SREBF1: variants seen among roughly 807,000 people sequenced by gnomAD.
SREBF1 encodes sterol regulatory element-binding protein 1.
A neutral mutation model predicts 100.1 loss-of-function variants in SREBF1; 45 were observed. The observed-to-expected ratio is 0.45, with a 90% CI of 0.35 to 0.58. The LOEUF (loss-of-function observed/expected upper bound fraction) is 0.58, where lower values mean the gene tolerates loss of function less well. SREBF1 is among the 20% of genes least tolerant of loss of function. SREBF1 has a pLI of 0.00. For missense variants in SREBF1, 1,324 were observed against 1,539.4 expected (o/e 0.86, Z 2.34); for synonymous variants, 657 against 681.8 (o/e 0.96, Z 0.57).
Position 17,829,206 on chromosome 17 carries a change from ATATATATATAT to A in SREBF1, c.91+7510_91+7520del, listed in dbSNP as rs149396423. ...GACTCCATCTTAAAAAAAAAAAAAA[ATATATATATAT>A]ATATATATATATATATATGTATACA... On this transcript the variant is annotated intron_variant, in intron 1 of 18. Transcript: ENST00000261646. Among the ~76,000 whole-genome samples, 9 of 92,862 alleles carry A rather than the reference ATATATATATAT, an allele frequency of 9.7e-5. 1 individual carries two copies. Among genetic ancestry groups the A allele is most frequent in the African/African-American group, 3.0e-4 (4 of 13,418 alleles). 60.9% of individuals were successfully genotyped at this position (92,862 alleles called of 152,430 possible).
intron 16 of SREBF1, 156 bp from the exon 17 acceptor site, chr17:17,813,925 C>T (rs907184223): frequency 4.8e-6 from 4 of 827,272 alleles, no homozygotes; most frequent in East Asian, 2.7e-5. Flanking sequence ...ACCGCGGGGC[C>T]GCCCGCCTCT....
Position 17,812,682 on chromosome 17 carries a change from CAGCAGCCGG to C in SREBF1, c.3375_3383del (p.Arg1126_Leu1128del), listed in dbSNP as rs1598106953. 6.2e-7 allele frequency: 1 copy of C among 1,607,274 alleles called. No homozygotes were observed. Among genetic ancestry groups the C allele is most frequent in the Non-Finnish European group, 8.5e-7 (1 of 1,177,446 alleles). ...GCATGAGCATCTGCTGACAGTCGTG[CAGCAGCCGG>C]CGATCGCCAAGCTTCTCGAGTGTGC... On this transcript the variant is annotated inframe_deletion, in exon 19 of 19. Transcript: ENST00000261646.
chr17:17,813,835 C>G, intron 16 of SREBF1, 66 bp from the exon 17 acceptor site: 1 of 1,482,268 alleles, frequency 6.7e-7, no homozygotes, highest in Middle Eastern at 2.1e-4. Context: ...GATGGGGGCC[C>G]GTGGTGCCAG....
In SREBF1 at chr17:17,811,930, T is replaced by TAAC. The variant is rs1555568536; in HGVS notation, c.*689_*691dup. On this transcript the variant is annotated 3_prime_UTR_variant, in exon 19 of 19. Coordinates refer to ENST00000261646, the MANE Select transcript of SREBF1 (RefSeq NM_004176.5). The stretch of plus-strand genomic sequence containing the variant: ...AGCCAGCCCTCCCCACTCCTCCCAC[T>TAAC]AACAAACAAACATCGGGAAGAGCTA... 3 of 446,992 alleles carry TAAC rather than the reference T, an allele frequency of 6.7e-6. No individual in the cohort carries two copies. The highest frequency in any genetic ancestry group is 6.1e-5 in the African/African-American group (3 of 49,188). 27.7% of individuals were successfully genotyped at this position (446,992 alleles called of 1,614,324 possible).
In SREBF1 at chr17:17,815,350, G is replaced by A. The variant is rs753588115; in HGVS notation, c.2384-21C>T. The A allele has an allele frequency of 3.8e-6, 6 of 1,599,402 alleles. No homozygotes were observed. The African/African-American group carries it at 6.7e-5, about 18-fold the overall frequency. On this transcript the variant is annotated intron_variant, in intron 12 of 18. Transcript: ENST00000261646. ...GTCCACTGTGGAGAGGAGGAGGTGA[G>A]TGGGGTGGGGAGCAGGGCCCCACCC...
At chr17:17,827,957 C>A (rs993005227) in intron 1 of SREBF1, among the ~76,000 whole-genome samples, 6 of 152,192 alleles carry the variant, frequency 3.9e-5, no homozygotes, top group African/African-American at 1.4e-4. Context: ...GCTTCCTAAC[C>A]ACCACCCCCC....
intron 1 of SREBF1, among the ~76,000 whole-genome samples, chr17:17,826,949 G>A (rs1204584729): frequency 6.6e-6 from 1 of 152,226 alleles, no homozygotes; most frequent in African/African-American, 2.4e-5. Flanking sequence ...CTTGTCCACA[G>A]AACCCAGATC....
In SREBF1 at chr17:17,817,964, C is replaced by A; in HGVS notation, c.1184-48G>T. Reference sequence around the variant, plus strand: ...CCAGGAGTAAAGGCTGGATATGTGACCCCAAATCAGAGCCTAGGCCCTTGG... The same window carrying A: ...CCAGGAGTAAAGGCTGGATATGTGAACCCAAATCAGAGCCTAGGCCCTTGG... On this transcript the variant is annotated intron_variant, in intron 6 of 18. Coordinates refer to ENST00000261646, the MANE Select transcript of SREBF1 (RefSeq NM_004176.5). The surrounding 1 kb of genome is among the most constrained non-coding windows in gnomAD (Gnocchi z 6.6). The A allele has an allele frequency of 6.3e-7, 1 of 1,575,518 alleles. No individual in the cohort carries two copies. Among genetic ancestry groups the A allele is most frequent in the Non-Finnish European group, 8.6e-7 (1 of 1,158,240 alleles).
rs749143932 is a variant in SREBF1, at chr17:17,819,654, C to T, written c.595G>A (p.Val199Ile). The T allele has an allele frequency of 2.2e-5, 35 of 1,612,236 alleles. No individual in the cohort carries two copies. The highest frequency in any genetic ancestry group is 1.7e-4 in the Middle Eastern group (1 of 5,998). The change falls in exon 3 of 19, where the codon GTC becomes ATC. Residue 199 changes from valine to isoleucine, a missense_variant. Transcript: ENST00000261646. ...CTCTGGACCTGGGTGTGCAAGGAGA[C>T]GGGCGGGACCCCTGGCGGGGAAGCC... ...PLASPPGVPPVSLHTQVQSVV... is the reference protein window; with the variant it reads ...PLASPPGVPPISLHTQVQSVV...
At chr17:17,822,003 A>C (rs918711999) in intron 1 of SREBF1, among the ~76,000 whole-genome samples, 6 of 152,216 alleles carry the variant, frequency 3.9e-5, no homozygotes, top group Admixed American at 1.3e-4. Flanking sequence ...TTACTGGCCT[A>C]AGTTCTTATA....
Position 17,820,228 on chromosome 17 carries a change from G to A in SREBF1, c.385C>T (p.Leu129=). ...GPGIKEESVP[L]SILQTPTPQP... ...GGGGTGGGGGTCTGCAGGATGCTCA[G>A]TGGCACTGACTCTTCCTTGATACCA... is the stretch of plus-strand genomic sequence containing the variant. The change falls in exon 2 of 19, where the codon CTG becomes TTG. Residue 129 remains leucine, a synonymous_variant. Coordinates refer to ENST00000261646, the MANE Select transcript of SREBF1 (RefSeq NM_004176.5). 1 of 1,613,802 alleles carries A rather than the reference G, an allele frequency of 6.2e-7. No individual in the cohort carries two copies. The highest frequency in any genetic ancestry group is 8.5e-7 in the Non-Finnish European group (1 of 1,179,974).
chr17:17,814,784 C>T (rs759785838), intron 14 of SREBF1, 37 bp from the exon 15 acceptor site: 20 of 1,610,316 alleles, frequency 1.2e-5, no homozygotes, highest in African/African-American at 8.0e-5. Context: ...CCCTCAGTCA[C>T]GCTGCACGGG....
Position 17,816,302 on chromosome 17 carries a change from C to A in SREBF1, c.2119G>T (p.Gly707Trp), listed in dbSNP as rs757112939. 2 of 1,593,696 alleles carry A rather than the reference C, an allele frequency of 1.3e-6. No homozygotes were observed. Among genetic ancestry groups the A allele is most frequent in the Non-Finnish European group, 1.7e-6 (2 of 1,172,374 alleles). Residue 707 changes from glycine (G) to tryptophan (W), a missense_variant, in exon 11 of 19, where the codon GGG becomes TGG. Transcript: ENST00000261646. ...LSALNLAECA[G>W]DAVSVATLAE... is the part of the protein sequence containing the mutation. ...AGCGTCGCCACAGACACGGCATCCC[C>A]TGCACACTCTGCCAGGTTCAGGGCA...
In SREBF1 at chr17:17,820,253, A is replaced by C; in HGVS notation, c.360T>G (p.Pro120=). Residue 120 remains proline, a synonymous_variant, in exon 2 of 19, where the codon CCT becomes CCG. Coordinates refer to ENST00000261646, the MANE Select transcript of SREBF1 (RefSeq NM_004176.5). ...YPSMPAFSPG[P]GIKEESVPLS... ...GTGGCACTGACTCTTCCTTGATACC[A>C]GGCCCAGGGGAGAAAGCGGGCATGG... is the stretch of plus-strand genomic sequence containing the variant. 1 of 1,613,810 alleles carries C rather than the reference A, an allele frequency of 6.2e-7. No homozygotes were observed. Among genetic ancestry groups the C allele is most frequent in the South Asian group, 1.1e-5 (1 of 91,078 alleles).
chr17:17,828,576 A>G (rs1204230287), intron 1 of SREBF1, among the ~76,000 whole-genome samples: 1 of 152,174 alleles, frequency 6.6e-6, no homozygotes, highest in Non-Finnish European at 1.5e-5. Flanking sequence ...TGCAGTGGCA[A>G]TTCTGGGAGT....
intron 1 of SREBF1, chr17:17,823,441 T>A: frequency 1.7e-5 from 18 of 1,057,646 alleles, no homozygotes; most frequent in Non-Finnish European, 2.6e-5. Flanking sequence ...GTAGCCCGCA[T>A]GCCCGCCCAC....
chr17:17,828,489 A>T (rs2034627991), intron 1 of SREBF1, among the ~76,000 whole-genome samples: 1 of 152,220 alleles, frequency 6.6e-6, no homozygotes, highest in Admixed American at 6.5e-5. Flanking sequence ...GGTCGGCACC[A>T]ATTCAGACAC....
chr17:17,817,827 G>T lies in SREBF1; in HGVS notation c.1273C>A (p.Leu425Met). 1 of 1,611,450 alleles carries T rather than the reference G, an allele frequency of 6.2e-7. No homozygotes were observed. Residue 425 changes from leucine to methionine, a missense_variant, in exon 7 of 19, where the codon CTG (leucine) becomes ATG (methionine). Transcript: ENST00000261646. The surrounding 1 kb of genome is among the most constrained non-coding windows in gnomAD (Gnocchi z 6.6). ...CCAGCATCCGAGGGGGGTGGGGTCAGTGTGTCCTCCACCTCAGTCTTCACG... is the reference window on the plus strand; with the variant it reads ...CCAGCATCCGAGGGGGGTGGGGTCATTGTGTCCTCCACCTCAGTCTTCACG... ...EGVKTEVEDT[L>M]TPPPSDAGSP...
chr17:17,823,389 C>A (rs1200582528), intron 1 of SREBF1: 1 of 777,994 alleles, frequency 1.3e-6, no homozygotes, highest in Non-Finnish European at 2.3e-6. Context: ...GTAACTGTCA[C>A]ACCTTCTCCC....
Sources: allele counts gnomAD v4.1 joint callset (sites outside exome capture counted in the v4.1 genomes callset), GRCh38; gene constraint gnomAD v4.1.1; non-coding constraint Gnocchi (gnomAD v3.1); transcripts MANE v1.5; gene names NCBI Gene and HGNC (gene_info 2026-07-23, HGNC 2026-07-21).